SGCD: variants seen among roughly 807,000 people sequenced by gnomAD.
SGCD encodes the protein sarcoglycan delta.
In SGCD, 18 loss-of-function variants were observed where a neutral mutation model predicts 36.6. The ratio of observed to expected loss-of-function variants is 0.49; its 90% CI spans 0.34 to 0.73. SGCD has a LOEUF of 0.73. SGCD is among the 30% of genes least tolerant of loss of function. The pLI is 0.01. For missense variants in SGCD, 387 were observed against 346.7 expected, an observed-to-expected ratio of 1.12 and a Z score of -0.92; for synonymous variants, 133 against 130.6, an observed-to-expected ratio of 1.02 and a Z score of -0.12.
At chr5:156,252,385 A>C (rs527373874) in intron 3 of SGCD, among the ~76,000 whole-genome samples, 15 of 152,212 alleles carry the variant, frequency 9.9e-5, no homozygotes, top group African/African-American at 3.1e-4. Context: ...CGATATTAAC[A>C]TTTTGGATCC....
At chr5:156,637,337 G>A (rs1267605398) in intron 6 of SGCD, among the ~76,000 whole-genome samples, 1 of 152,120 alleles carries the variant, frequency 6.6e-6, no homozygotes, top group Non-Finnish European at 1.5e-5. Flanking sequence ...TTTATTAGCA[G>A]CATGAGAACA....
At chr5:156,582,201 A>T (rs970754111) in intron 4 of SGCD, among the ~76,000 whole-genome samples, 1 of 152,182 alleles carries the variant, frequency 6.6e-6, no homozygotes, top group Non-Finnish European at 1.5e-5. Flanking sequence ...TGTTGTGAAG[A>T]TGAAATTGTA....
In SGCD at chr5:156,285,972, T is replaced by G. The variant is rs558446099; in HGVS notation, c.-43-43562T>G. ...AATCTACAATGAACTCCAACAAATT[T>G]ACAAGAAAAAAACGAACAACCCTAT... is the stretch of plus-strand genomic sequence containing the variant. On this transcript the variant is annotated intron_variant, in intron 3 of 9. Transcript: ENST00000517913. Among the ~76,000 whole-genome samples the G allele has an allele frequency of 3.3e-5, 5 of 152,070 alleles. No individual in the cohort carries two copies. In the East Asian group the frequency reaches 9.7e-4, roughly 29 times the overall value.
chr5:155,908,608 G>A (rs1756571305), intron 1 of SGCD, among the ~76,000 whole-genome samples: 1 of 152,130 alleles, frequency 6.6e-6, no homozygotes, highest in Non-Finnish European at 1.5e-5. Flanking sequence ...AAAGAACACA[G>A]TGGTTGAGGT....
chr5:156,607,892 T>A (rs1467967380), intron 6 of SGCD, among the ~76,000 whole-genome samples: 3 of 152,204 alleles, frequency 2.0e-5, no homozygotes, highest in African/African-American at 7.2e-5. Context: ...GGTGGTGATA[T>A]CCCCTTTATC....
At chr5:156,629,038 A>G (rs965900490) in intron 6 of SGCD, among the ~76,000 whole-genome samples, 6 of 152,252 alleles carry the variant, frequency 3.9e-5, no homozygotes, top group Non-Finnish European at 5.9e-5. Context: ...TATGTTTATC[A>G]TTTAAAAAAT....
At chr5:156,157,334 T>C (rs1417864870) in intron 3 of SGCD, among the ~76,000 whole-genome samples, 2 of 151,732 alleles carry the variant, frequency 1.3e-5, no homozygotes, top group African/African-American at 4.9e-5. Flanking sequence ...ATGAGAAAAC[T>C]AACTCTCAAA....
the SGCD span, among the ~76,000 whole-genome samples, chr5:155,828,460 C>T: frequency 6.6e-6 from 1 of 152,090 alleles, no homozygotes; most frequent in Non-Finnish European, 1.5e-5. Flanking sequence ...AATAAACCAA[C>T]GCAATGATTC....
intron 7 of SGCD, among the ~76,000 whole-genome samples, chr5:156,743,674 A>ATC (rs1358608640): frequency 1.3e-5 from 2 of 152,236 alleles, no homozygotes; most frequent in East Asian, 3.9e-4. Context: ...TAGAGGACAT[A>ATC]TCACTGCTTT....
At chr5:156,356,069 C>A (rs1234182246) in intron 3 of SGCD, among the ~76,000 whole-genome samples, 3 of 152,128 alleles carry the variant, frequency 2.0e-5, no homozygotes, top group African/African-American at 4.8e-5. Flanking sequence ...ATCTTATGTG[C>A]CTTTATAAAT....
At chr5:156,041,060 GT>G (rs1181876240) in intron 1 of SGCD, among the ~76,000 whole-genome samples, 1 of 152,130 alleles carries the variant, frequency 6.6e-6, no homozygotes, top group African/African-American at 2.4e-5. Flanking sequence ...TTGAAATAGT[GT>G]TTTTTTCCAG....
At chr5:156,585,065 A>G (rs1310457167) in intron 4 of SGCD, among the ~76,000 whole-genome samples, 1 of 152,232 alleles carries the variant, frequency 6.6e-6, no homozygotes, top group Admixed American at 6.5e-5. Context: ...AACTTAGTGA[A>G]GTATTGAGAG....
intron 1 of SGCD, among the ~76,000 whole-genome samples, chr5:155,950,491 T>C (rs1172417236): frequency 1.3e-5 from 2 of 152,192 alleles, no homozygotes; most frequent in Admixed American, 6.5e-5. Context: ...GATAAAGAGA[T>C]GGGGTTCCCT....
the SGCD span, among the ~76,000 whole-genome samples, chr5:155,822,660 A>T: frequency 7.2e-5 from 11 of 152,212 alleles, no homozygotes; most frequent in African/African-American, 2.4e-4. Flanking sequence ...AGTTGTCTCC[A>T]TTATATTTTA....
In SGCD at chr5:156,236,933, A is replaced by G. The variant is rs1194737855; in HGVS notation, c.-43-92601A>G. Among the ~76,000 whole-genome samples the G allele has an allele frequency of 2.6e-5, 4 of 151,722 alleles. No homozygotes were observed. The South Asian group carries it at 8.3e-4, about 32-fold the overall frequency. On this transcript the variant is annotated intron_variant, in intron 3 of 9. Transcript: ENST00000517913. ...ACTGCAATAATCACCTCCCAGGTTC[A>G]AGTGATTCTCCTGCCTCAGCCTCCC...
At chr5:155,736,518 T>C in the SGCD span, among the ~76,000 whole-genome samples, 2 of 152,216 alleles carry the variant, frequency 1.3e-5, no homozygotes, top group Non-Finnish European at 2.9e-5. Flanking sequence ...AATTCCTCCA[T>C]TGCATGCTAA....
intron 1 of SGCD, among the ~76,000 whole-genome samples, chr5:155,898,485 A>G (rs1157296): frequency 0.17 from 26,513 of 152,228 alleles, 2,990 homozygotes; most frequent in Admixed American, 0.39. Flanking sequence ...ATATGAATAA[A>G]TGTCATGAGA....
intron 1 of SGCD, among the ~76,000 whole-genome samples, chr5:156,005,773 C>A (rs1414154050): frequency 1.3e-5 from 2 of 152,068 alleles, no homozygotes; most frequent in Non-Finnish European, 2.9e-5. Context: ...TAATGTCAAG[C>A]GTTGTTTTTA....
At chr5:156,512,822 A>G (rs1465598149) in intron 4 of SGCD, among the ~76,000 whole-genome samples, 1 of 152,142 alleles carries the variant, frequency 6.6e-6, no homozygotes, top group Non-Finnish European at 1.5e-5. Flanking sequence ...CTTTATATAA[A>G]TGGAATCATA....
Sources: allele counts gnomAD v4.1 joint callset (sites outside exome capture counted in the v4.1 genomes callset), GRCh38; gene constraint gnomAD v4.1.1; transcripts MANE v1.5; gene names NCBI Gene and HGNC (gene_info 2026-07-23, HGNC 2026-07-21).